TANC1: variants seen among roughly 807,000 people sequenced by gnomAD.
TANC1 encodes tetratricopeptide repeat, ankyrin repeat and coiled-coil containing 1.
Under a neutral mutation model 149.7 loss-of-function variants are expected in TANC1, and 77 were observed. That is an observed-to-expected ratio of 0.51 (90% CI 0.43 to 0.62). The LOEUF is 0.62. Ranked by LOEUF, TANC1 falls within the 20% of genes least tolerant of loss-of-function variation. The pLI is 0.00. For synonymous variants in TANC1, 854 were observed against 925.0 expected, an observed-to-expected ratio of 0.92 and a Z score of 1.39; for missense variants, 1,985 against 2,321.8, an observed-to-expected ratio of 0.85 and a Z score of 2.98.
intron 2 of TANC1, among the ~76,000 whole-genome samples, chr2:159,007,677 G>A (rs1034414997): frequency 4.6e-5 from 7 of 152,200 alleles, no homozygotes; most frequent in East Asian, 3.8e-4. Context: ...TTCTCAGAAC[G>A]TATCCTCGTT....
chr2:159,210,119 T>C (rs565995589), intron 19 of TANC1, among the ~76,000 whole-genome samples: 5 of 152,316 alleles, frequency 3.3e-5, no homozygotes, highest in African/African-American at 1.2e-4. Flanking sequence ...CAAGCTGTTC[T>C]CTGGAGGTAC....
Position 159,066,039 on chromosome 2 carries a change from G to A in TANC1, c.61+68G>A, listed in dbSNP as rs78702748. The A allele has an allele frequency of 2.0e-3, 2,558 of 1,255,308 alleles. 42 individuals carry two copies. The African/African-American group carries it at 0.032, about 16-fold the overall frequency. 77.8% of individuals were successfully genotyped at this position (1,255,308 alleles called of 1,614,324 possible). ...AGCAAGCTGCTCCTCACCCCAGGCC[G>A]GATGGATTTGTTGCTTTGGGAGTGG... On this transcript the variant is annotated intron_variant, in intron 3 of 26. Transcript: ENST00000263635.
intron 4 of TANC1, among the ~76,000 whole-genome samples, chr2:159,113,954 C>T (rs998932242): frequency 3.3e-5 from 5 of 152,158 alleles, no homozygotes; most frequent in African/African-American, 9.7e-5. Context: ...ATTGTGGGCA[C>T]GGCTCTGTGG....
At chr2:159,127,329 T>C (rs575443658) in intron 4 of TANC1, among the ~76,000 whole-genome samples, 1 of 152,332 alleles carries the variant, frequency 6.6e-6, no homozygotes, top group East Asian at 1.9e-4. Context: ...CGTGAGGCTG[T>C]GGAGGAACAG....
chr2:159,212,435 A>G (rs1402248960), intron 19 of TANC1, among the ~76,000 whole-genome samples: 4 of 152,202 alleles, frequency 2.6e-5, no homozygotes, highest in African/African-American at 9.7e-5. Context: ...ATCAATCCAG[A>G]AAATGTATAT....
chr2:159,185,303 C>T (rs985854736), intron 14 of TANC1, among the ~76,000 whole-genome samples: 1 of 152,180 alleles, frequency 6.6e-6, no homozygotes, highest in Non-Finnish European at 1.5e-5. Context: ...GGTACCTTCA[C>T]AAAAGGGAAA....
chr2:159,223,939 G>C (rs569536368), intron 22 of TANC1, among the ~76,000 whole-genome samples: 2 of 152,304 alleles, frequency 1.3e-5, no homozygotes, highest in African/African-American at 4.8e-5. Flanking sequence ...TCTGTGGCCT[G>C]GGAAGTGGTG....
At chr2:159,215,557 A>G (rs1028831507) in intron 19 of TANC1, among the ~76,000 whole-genome samples, 2 of 152,340 alleles carry the variant, frequency 1.3e-5, no homozygotes, top group East Asian at 3.9e-4. Context: ...GTGTCAAAGA[A>G]GACAGGCAGA....
At chr2:159,073,447 G>C (rs1311150400) in intron 3 of TANC1, among the ~76,000 whole-genome samples, 1 of 152,150 alleles carries the variant, frequency 6.6e-6, no homozygotes, top group East Asian at 1.9e-4. Flanking sequence ...TGTGGCATAA[G>C]ATCTCCAGCA....
At chr2:159,222,669 T>C (rs1039465158) in intron 22 of TANC1, among the ~76,000 whole-genome samples, 5 of 152,250 alleles carry the variant, frequency 3.3e-5, no homozygotes, top group African/African-American at 1.2e-4. Flanking sequence ...TCTATGTTTT[T>C]TGCTGTTGTG....
intron 10 of TANC1, 108 bp downstream of exon 10, chr2:159,170,913 A>G: frequency 8.1e-7 from 1 of 1,238,788 alleles, no homozygotes; most frequent in Non-Finnish European, 1.1e-6. Context: ...TGTTGCAGCT[A>G]CTATATCAGG....
chr2:159,032,671 C>T (rs988045063), intron 2 of TANC1, among the ~76,000 whole-genome samples: 6 of 152,102 alleles, frequency 3.9e-5, no homozygotes, highest in Non-Finnish European at 8.8e-5. Context: ...ATTCTCTTAA[C>T]TTACAACAGT....
At chr2:159,054,201 C>A (rs1469291631) in intron 2 of TANC1, among the ~76,000 whole-genome samples, 1 of 152,230 alleles carries the variant, frequency 6.6e-6, no homozygotes, top group African/African-American at 2.4e-5. Context: ...GGGATCAAGA[C>A]TGCCTGGATG....
Position 159,026,208 on chromosome 2 carries a change from C to G in TANC1, c.-16+25019C>G, listed in dbSNP as rs946246263. Among the ~76,000 whole-genome samples, 13 of 152,358 alleles carry G rather than the reference C, an allele frequency of 8.5e-5. 1 individual carries two copies. The highest frequency in any genetic ancestry group is 6.5e-4 in the Admixed American group (10 of 15,306). ...TTGGCTTCCCAAAGTGCTGGGATTACAGATGTGAGCCACTGTGTCTGGCCT... is the reference window on the plus strand; with the variant it reads ...TTGGCTTCCCAAAGTGCTGGGATTAGAGATGTGAGCCACTGTGTCTGGCCT... On this transcript the variant is annotated intron_variant, in intron 2 of 26. Transcript: ENST00000263635.
chr2:159,230,021 AG>A lies in TANC1; in HGVS notation c.4596del (p.Ile1533SerfsTer2). The A allele has an allele frequency of 6.2e-7, 1 of 1,614,070 alleles. No homozygotes were observed. Among genetic ancestry groups the A allele is most frequent in the Non-Finnish European group, 8.5e-7 (1 of 1,180,030 alleles). On this transcript the variant is annotated frameshift_variant, in exon 27 of 27. Coordinates refer to ENST00000263635, the MANE Select transcript of TANC1 (RefSeq NM_033394.3). LOFTEE classifies it low-confidence loss of function (END_TRUNC). The surrounding 1 kb of genome is among the most constrained non-coding windows in gnomAD (Gnocchi z 4.4). ...GLLLQPSKQA[Q>X]IVKTSQHLGS... ...CTCCTGCAGCCCTCCAAGCAGGCCC[AG>A]ATCGTGAAAACCAGCCAGCACCTGG...
chr2:159,044,727 C>T (rs1023679951), intron 2 of TANC1, among the ~76,000 whole-genome samples: 4 of 152,076 alleles, frequency 2.6e-5, no homozygotes, highest in South Asian at 2.1e-4. Flanking sequence ...TTGGAGACAC[C>T]GGCTCGCTTC....
At chr2:159,095,379 C>G (rs1200080767) in intron 3 of TANC1, among the ~76,000 whole-genome samples, 1 of 152,190 alleles carries the variant, frequency 6.6e-6, no homozygotes, top group East Asian at 1.9e-4. Context: ...AATTATCTGA[C>G]TTTGCTGACA....
chr2:159,132,019 T>C (rs754060222), intron 4 of TANC1, among the ~76,000 whole-genome samples: 4 of 152,224 alleles, frequency 2.6e-5, no homozygotes, highest in Non-Finnish European at 5.9e-5. Flanking sequence ...TTTCTAGAAT[T>C]GCATATTTAA....
intron 3 of TANC1, among the ~76,000 whole-genome samples, chr2:159,087,511 TTTTG>T (rs1163025424): frequency 1.1e-4 from 16 of 150,118 alleles, no homozygotes; most frequent in Admixed American, 9.9e-4. Context: ...TTTGTTTTGT[TTTTG>T]TTTTTTTTTT....
Sources: gnomAD v4.1 joint callset for allele counts (sites outside exome capture counted in the v4.1 genomes callset) on GRCh38, gnomAD v4.1.1 for gene constraint, Gnocchi (gnomAD v3.1) non-coding constraint, MANE v1.5 for transcripts, NCBI Gene and HGNC (gene_info 2026-07-23, HGNC 2026-07-21) for gene names.